Variants in PCTP observed in about 807,000 individuals in gnomAD.
PCTP encodes the protein START domain-containing protein 2.
In PCTP, 27 loss-of-function variants were observed where a neutral mutation model predicts 31.0. The observed-to-expected ratio is 0.87, with a 90% CI of 0.64 to 1.20. The LOEUF (loss-of-function observed/expected upper bound fraction) is 1.20, where lower values mean the gene tolerates loss of function less well. PCTP is among the 50% of genes most tolerant of loss of function. The pLI, the probability that PCTP is intolerant of heterozygous loss-of-function variation, is 0.00. For missense variants in PCTP, 287 were observed against 268.2 expected, an observed-to-expected ratio of 1.07 and a Z score of -0.49; for synonymous variants, 108 against 101.2, an observed-to-expected ratio of 1.07 and a Z score of -0.40.
chr17:55,833,492 G>A (rs1398858021), intron 5 of PCTP, among the ~76,000 whole-genome samples: 2 of 152,202 alleles, frequency 1.3e-5, no homozygotes, highest in Admixed American at 1.3e-4. Flanking sequence ...GTTTGTAAGT[G>A]TTTGCATGCA....
downstream of PCTP, among the ~76,000 whole-genome samples, chr17:55,778,637 T>C (rs1376952260): frequency 2.0e-5 from 3 of 152,142 alleles, no homozygotes; most frequent in Non-Finnish European, 4.4e-5. Flanking sequence ...TTTCTAGATT[T>C]CCCAGGTTCC....
chr17:55,805,957 G>T (rs989414910), intron 3 of PCTP, among the ~76,000 whole-genome samples: 2 of 150,226 alleles, frequency 1.3e-5, no homozygotes, highest in African/African-American at 4.9e-5. Context: ...TTTTTGGTGA[G>T]AGTGATACAT....
At chr17:55,841,060 T>G (rs1317938677) in intron 5 of PCTP, among the ~76,000 whole-genome samples, 1 of 152,202 alleles carries the variant, frequency 6.6e-6, no homozygotes, top group Non-Finnish European at 1.5e-5. Context: ...AGGTGGGGAC[T>G]ACTGTAATTG....
intron 5 of PCTP, among the ~76,000 whole-genome samples, chr17:55,837,247 T>G (rs528285768): frequency 8.5e-5 from 13 of 152,306 alleles, no homozygotes; most frequent in African/African-American, 3.1e-4. Flanking sequence ...CAGTGGGTGG[T>G]AATAACAAGA....
intron 3 of PCTP, among the ~76,000 whole-genome samples, chr17:55,818,006 A>G (rs530244343): frequency 7.9e-5 from 12 of 152,264 alleles, no homozygotes; most frequent in African/African-American, 2.9e-4. Flanking sequence ...AGTAAGACCT[A>G]AGTTTGGTGA....
chr17:55,804,290 G>A (rs1314892276), intron 3 of PCTP, among the ~76,000 whole-genome samples: 3 of 152,196 alleles, frequency 2.0e-5, no homozygotes, highest in African/African-American at 7.2e-5. Context: ...TTCAACAATT[G>A]TGGAAGACAG....
chr17:55,793,122 G>T (rs1912063285), intron 3 of PCTP, among the ~76,000 whole-genome samples: 1 of 151,988 alleles, frequency 6.6e-6, no homozygotes, highest in Non-Finnish European at 1.5e-5. Flanking sequence ...ACATATCCTG[G>T]AGTCTGGTGG....
intron 3 of PCTP, among the ~76,000 whole-genome samples, chr17:55,798,331 G>A (rs193040805): frequency 6.2e-4 from 95 of 152,014 alleles, no homozygotes; most frequent in Middle Eastern, 3.4e-3. Context: ...TTATACAATC[G>A]TTGAAGGACA....
At chr17:55,821,853 C>T (rs1337148381) in intron 3 of PCTP, among the ~76,000 whole-genome samples, 4 of 152,044 alleles carry the variant, frequency 2.6e-5, no homozygotes, top group Admixed American at 1.3e-4. Context: ...CAATAGTGAC[C>T]AACACGAAAC....
intron 5 of PCTP, among the ~76,000 whole-genome samples, chr17:55,829,135 C>T (rs62078596): frequency 0.17 from 25,296 of 151,148 alleles, 2,207 homozygotes; most frequent in Middle Eastern, 0.26. Flanking sequence ...TTTGTGAAAC[C>T]TGAGTGGATA....
At chr17:55,763,668 A>G (rs941128488) in intron 1 of PCTP, among the ~76,000 whole-genome samples, 93 of 152,312 alleles carry the variant, frequency 6.1e-4, no homozygotes, top group African/African-American at 2.2e-3. Context: ...ATTTACTTAA[A>G]GGAAATATGT....
intron 1 of PCTP, among the ~76,000 whole-genome samples, chr17:55,752,220 A>G (rs1909751860): frequency 1.3e-5 from 2 of 152,206 alleles, no homozygotes; most frequent in Admixed American, 1.3e-4. Flanking sequence ...GTTTACATCA[A>G]ATATAGTGTT....
At position 55,758,759 on chromosome 17, in the gene PCTP, T is replaced by C. The variant is rs193030656; in HGVS notation, c.141+7515T>C. Among the ~76,000 whole-genome samples, 8 of 152,214 alleles carry C rather than the reference T, an allele frequency of 5.3e-5. No individual in the cohort carries two copies. The East Asian group carries it at 1.5e-3, about 29-fold the overall frequency. ...GTGCAACTGGGTAGATAAGTTAGAG[T>C]CTCAGTTTTTCCCTCTCCTCGCATC... On this transcript the variant is annotated intron_variant, in intron 1 of 5. Coordinates refer to ENST00000268896, the MANE Select transcript of PCTP (RefSeq NM_021213.4).
intron 3 of PCTP, among the ~76,000 whole-genome samples, chr17:55,790,774 T>G (rs1250532395): frequency 6.1e-5 from 9 of 148,508 alleles, no homozygotes; most frequent in African/African-American, 2.3e-4. Flanking sequence ...AAGCTACCAA[T>G]GACTTTCTTC....
intron 1 of PCTP, among the ~76,000 whole-genome samples, chr17:55,762,843 C>G (rs1017301005): frequency 6.6e-6 from 1 of 152,044 alleles, no homozygotes; most frequent in Non-Finnish European, 1.5e-5. Context: ...TACATTGCCA[C>G]GGGGTTCTCT....
intron 3 of PCTP, among the ~76,000 whole-genome samples, chr17:55,788,885 A>G (rs1274003712): frequency 1.3e-5 from 2 of 152,054 alleles, no homozygotes; most frequent in Non-Finnish European, 2.9e-5. Context: ...CTTGCTTTTT[A>G]TGAACTTCAG....
At chr17:55,802,489 A>C (rs1282145024) in intron 3 of PCTP, among the ~76,000 whole-genome samples, 1 of 152,170 alleles carries the variant, frequency 6.6e-6, no homozygotes. Context: ...CTGGCAAACC[A>C]AATCCAGCAG....
Position 55,783,894 on chromosome 17 carries a change from G to A in PCTP, c.229-3672G>A, listed in dbSNP as rs548314860. On this transcript the variant is annotated intron_variant, in intron 2 of 3. Transcript: ENST00000572536. ...CTGGAGAGCGCCTGCCAGGGAGGCC[G>A]TTTCCTCACCTCTCATTTTAGTTTG... 5.9e-5 allele frequency among the ~76,000 whole-genome samples: 9 copies of A among 152,258 alleles called. No individual in the cohort carries two copies. In the South Asian group the frequency reaches 1.7e-3, roughly 28 times the overall value.
chr17:55,802,807 A>G (rs1225173731), intron 3 of PCTP, among the ~76,000 whole-genome samples: 4 of 152,228 alleles, frequency 2.6e-5, no homozygotes, highest in African/African-American at 4.8e-5. Context: ...AAACTGGCAC[A>G]AGACAAGGAT....
Sources: gnomAD v4.1 joint callset for allele counts (sites outside exome capture counted in the v4.1 genomes callset) on GRCh38, gnomAD v4.1.1 for gene constraint, MANE v1.5 for transcripts, NCBI Gene and HGNC (gene_info 2026-07-23, HGNC 2026-07-21) for gene names.